Variants in ZFP14 observed in about 807,000 individuals in gnomAD.
ZFP14 encodes the protein ZFP14 zinc finger protein.
Under a neutral mutation model 54.5 loss-of-function variants are expected in ZFP14, and 22 were observed. The observed-to-expected ratio is 0.40, with a 90% confidence interval of 0.29 to 0.58. The LOEUF is 0.58. Ranked by LOEUF, ZFP14 falls within the 20% of genes least tolerant of loss-of-function variation. ZFP14 has a pLI of 0.39. For synonymous variants in ZFP14, 159 were observed against 204.0 expected (o/e 0.78, Z 1.88); for missense variants, 470 against 637.8 (o/e 0.74, Z 2.83).
intron 2 of ZFP14, among the ~76,000 whole-genome samples, chr19:36,365,468 C>G (rs181848878): frequency 6.6e-6 from 1 of 152,094 alleles, no homozygotes; most frequent in Admixed American, 6.6e-5. Flanking sequence ...CCAACAAGAA[C>G]GTGATAGCGG....
intron 1 of ZFP14, among the ~76,000 whole-genome samples, chr19:36,376,048 C>T (rs2031957630): frequency 6.6e-6 from 1 of 151,820 alleles, no homozygotes; most frequent in Admixed American, 6.6e-5. Flanking sequence ...GTTGTAATTA[C>T]CAATATATGC....
chr19:36,349,232 AAAAAAAAAAAC>A (rs1406589264), intron 4 of ZFP14, among the ~76,000 whole-genome samples: 3 of 35,474 alleles, frequency 8.5e-5, no homozygotes, highest in Admixed American at 6.0e-4. Flanking sequence ...ACTCTGTCTC[AAAAAAAAAAAC>A]AAAAAAAAAA....
intron 2 of ZFP14, among the ~76,000 whole-genome samples, chr19:36,362,644 T>C (rs1322639984): frequency 6.6e-6 from 1 of 152,184 alleles, no homozygotes; most frequent in African/African-American, 2.4e-5. Flanking sequence ...GAGGCCCAGA[T>C]GAGAGGATCA....
intron 4 of ZFP14, among the ~76,000 whole-genome samples, chr19:36,349,680 A>ATATATAT (rs1229719873): frequency 7.3e-6 from 1 of 136,852 alleles, no homozygotes; most frequent in African/African-American, 2.6e-5. Context: ...ACAAAAAAAA[A>ATATATAT]ATATATATAT....
At chr19:36,365,007 T>C (rs1370640261) in intron 2 of ZFP14, among the ~76,000 whole-genome samples, 54 of 119,162 alleles carry the variant, frequency 4.5e-4, no homozygotes, top group African/African-American at 1.7e-3. Context: ...TTTTTTTTTT[T>C]TTTTTTTTTT....
intron 4 of ZFP14, among the ~76,000 whole-genome samples, chr19:36,348,875 G>A (rs977522090): frequency 6.6e-6 from 1 of 151,994 alleles, no homozygotes; most frequent in Non-Finnish European, 1.5e-5. Context: ...AACTTAAGCT[G>A]GCTTGTATTT....
chr19:36,357,371 T>C (rs987939750), intron 4 of ZFP14, among the ~76,000 whole-genome samples: 25 of 152,112 alleles, frequency 1.6e-4, no homozygotes, highest in African/African-American at 6.0e-4. Flanking sequence ...GGTTATTGTT[T>C]TCACTCAAGA....
chr19:36,367,957 C>A lies in ZFP14; in HGVS notation c.-65G>T. 6.5e-7 allele frequency: 1 copy of A among 1,547,840 alleles called. No homozygotes were observed. The highest frequency in any genetic ancestry group is 1.3e-5 in the South Asian group (1 of 79,670). ...TTTCTCTGTTGGAGAACTATGGAGT[C>A]CTGATAAGCCAGAGCTGAAAGAAGA... On this transcript the variant is annotated 5_prime_UTR_variant, in exon 2 of 5. Coordinates refer to ENST00000270001, the MANE Select transcript of ZFP14 (RefSeq NM_020917.3).
chr19:36,373,624 T>C (rs2031913211), intron 1 of ZFP14, among the ~76,000 whole-genome samples: 1 of 152,118 alleles, frequency 6.6e-6, no homozygotes, highest in Admixed American at 6.6e-5. Flanking sequence ...TATATATACT[T>C]TAAAACACCA....
In ZFP14 at chr19:36,360,510, C is replaced by T; in HGVS notation, c.160G>A (p.Val54Met). 19 of 1,613,368 alleles carry T rather than the reference C, an allele frequency of 1.2e-5. No individual in the cohort carries two copies. Among genetic ancestry groups the T allele is most frequent in the Non-Finnish European group, 1.6e-5 (19 of 1,179,610 alleles). Residue 54 changes from valine to methionine, a missense_variant, in exon 4 of 5, where the codon GTG (valine) becomes ATG (methionine). Transcript: ENST00000270001. Reference protein sequence around the residue: ...SLGPSISKPDVITLLDEERKE... With the variant: ...SLGPSISKPDMITLLDEERKE... ...CTTTCTTCATCCAATAAGGTAATCA[C>T]ATCTGGTTTAGAAATGGAAGGTCCT...
At chr19:36,358,511 C>T (rs1157033769) in intron 4 of ZFP14, among the ~76,000 whole-genome samples, 1 of 152,184 alleles carries the variant, frequency 6.6e-6, no homozygotes, top group Non-Finnish European at 1.5e-5. Context: ...TTTCTATGTA[C>T]ACAATCATGT....
intron 4 of ZFP14, among the ~76,000 whole-genome samples, chr19:36,346,293 C>A (rs764098129): frequency 6.6e-6 from 1 of 151,834 alleles, no homozygotes; most frequent in Non-Finnish European, 1.5e-5. Flanking sequence ...AAACAAAAAA[C>A]CCAGGTTGTT....
chr19:36,365,250 T>C (rs1428501254), intron 2 of ZFP14, among the ~76,000 whole-genome samples: 5 of 152,168 alleles, frequency 3.3e-5, no homozygotes, highest in Admixed American at 6.6e-5. Context: ...TTTCCTCCAA[T>C]ATAGAACTAT....
At chr19:36,373,911 C>CAAAAAAAAA (rs74174406) in intron 1 of ZFP14, among the ~76,000 whole-genome samples, 5 of 93,204 alleles carry the variant, frequency 5.4e-5, no homozygotes, top group Non-Finnish European at 8.2e-5. Context: ...GACCCCATCT[C>CAAAAAAAAA]AAAAAAAAAA....
At chr19:36,344,254 C>G (rs1291566078) in intron 4 of ZFP14, among the ~76,000 whole-genome samples, 2 of 152,202 alleles carry the variant, frequency 1.3e-5, no homozygotes, top group African/African-American at 4.8e-5. Context: ...ATCTGCCCGC[C>G]TCGGCCTCCC....
At position 36,337,482 on chromosome 19, in the gene ZFP14, C is replaced by T. The variant is rs1008230988; in HGVS notation, c.*2742G>A. ...ATAACAACTATTTACATAGTATTTA[C>T]ATTGTGATAGGTATAAGTGATCTAA... On this transcript the variant is annotated 3_prime_UTR_variant, in exon 5 of 5. Transcript: ENST00000270001. The T allele has an allele frequency of 1.3e-5, 2 of 152,032 alleles. No homozygotes were observed. The highest frequency in any genetic ancestry group is 4.8e-5 in the African/African-American group (2 of 41,394). 9.4% of individuals were successfully genotyped at this position (152,032 alleles called of 1,614,324 possible).
At chr19:36,375,968 C>T (rs574276986) in intron 1 of ZFP14, among the ~76,000 whole-genome samples, 6 of 152,010 alleles carry the variant, frequency 3.9e-5, no homozygotes, top group Non-Finnish European at 7.4e-5. Flanking sequence ...GCTGAGATTA[C>T]AGACATGAGC....
At position 36,339,028 on chromosome 19, in the gene ZFP14, A is replaced by G. The variant is rs1157765975; in HGVS notation, c.*1196T>C. ...TTCCCTCTAATTCTTCAACAGCTGT[A>G]TTACTAGTGACCTCACATTCATGAA... On this transcript the variant is annotated 3_prime_UTR_variant, in exon 5 of 5. Coordinates refer to ENST00000270001, the MANE Select transcript of ZFP14 (RefSeq NM_020917.3). 4 of 152,196 alleles carry G rather than the reference A, an allele frequency of 2.6e-5. No homozygotes were observed. Among genetic ancestry groups the G allele is most frequent in the African/African-American group, 9.7e-5 (4 of 41,442 alleles). The allele number at this position is 152,196 out of a possible 1,614,324, so 9.4% of individuals were successfully genotyped here.
At chr19:36,357,389 G>C (rs2031633216) in intron 4 of ZFP14, among the ~76,000 whole-genome samples, 1 of 152,116 alleles carries the variant, frequency 6.6e-6, no homozygotes, top group Non-Finnish European at 1.5e-5. Flanking sequence ...AGAAACCTTT[G>C]CCTACTCCCA....
Sources: allele counts gnomAD v4.1 joint callset (sites outside exome capture counted in the v4.1 genomes callset), GRCh38; gene constraint gnomAD v4.1.1; transcripts MANE v1.5; gene names NCBI Gene and HGNC (gene_info 2026-07-23, HGNC 2026-07-21).